LHFPL6: variants seen among roughly 807,000 people sequenced by gnomAD.
The protein encoded by LHFPL6 is LHFPL tetraspan subfamily member 6.
A neutral mutation model predicts 20.6 loss-of-function variants in LHFPL6; 9 were observed. The ratio of observed to expected loss-of-function variants is 0.44; its 90% CI spans 0.26 to 0.76. The LOEUF (loss-of-function observed/expected upper bound fraction) is 0.76, where lower values mean the gene tolerates loss of function less well. Ranked by LOEUF, LHFPL6 falls within the 30% of genes least tolerant of loss-of-function variation. The pLI is 0.20. For synonymous variants in LHFPL6, 105 were observed against 98.7 expected (o/e 1.06, Z -0.38); for missense variants, 218 against 253.5 (o/e 0.86, Z 0.95).
chr13:39,563,168 C>A (rs1279916564), intron 2 of LHFPL6, among the ~76,000 whole-genome samples: 1 of 146,684 alleles, frequency 6.8e-6, no homozygotes, highest in Non-Finnish European at 1.5e-5. Flanking sequence ...AGCAAAGCAA[C>A]AATGTTAAAA....
intron 2 of LHFPL6, among the ~76,000 whole-genome samples, chr13:39,468,730 A>T (rs1356834401): frequency 6.6e-6 from 1 of 152,156 alleles, no homozygotes; most frequent in Admixed American, 6.5e-5. Flanking sequence ...ACCACTTATG[A>T]CTTCTCTGCA....
intron 2 of LHFPL6, among the ~76,000 whole-genome samples, chr13:39,513,008 C>T (rs1042565277): frequency 1.2e-4 from 18 of 152,348 alleles, no homozygotes; most frequent in Admixed American, 1.0e-3. Context: ...TAGAGAAGAA[C>T]ATCCTCTCCA....
intron 2 of LHFPL6, among the ~76,000 whole-genome samples, chr13:39,537,992 C>CT (rs57732900): frequency 0.036 from 1,571 of 43,554 alleles, 30 homozygotes; most frequent in African/African-American, 0.086. Context: ...TTCTTTCTTT[C>CT]TTTTTTTTTT....
rs573612139 is a variant in LHFPL6 at position 39,563,943 on chromosome 13, T to C, written c.385+36889A>G. ...CCCCTAGGGCGGTTATGTGAGAGAATAGACACTTGTTGTATATCCCCCAAA... is the reference window on the plus strand; with the variant it reads ...CCCCTAGGGCGGTTATGTGAGAGAACAGACACTTGTTGTATATCCCCCAAA... On this transcript the variant is annotated intron_variant, in intron 2 of 3. Coordinates refer to ENST00000379589, the MANE Select transcript of LHFPL6 (RefSeq NM_005780.3). 3.9e-5 allele frequency among the ~76,000 whole-genome samples: 6 copies of C among 152,278 alleles called. 1 individual carries two copies. In the South Asian group the frequency reaches 1.0e-3, roughly 26 times the overall value.
intron 2 of LHFPL6, among the ~76,000 whole-genome samples, chr13:39,498,099 ATATGGCACATTTAACAT>A (rs374504755): frequency 9.2e-5 from 14 of 152,312 alleles, no homozygotes; most frequent in African/African-American, 3.1e-4. Flanking sequence ...CTTTATTACC[ATATGGCACATTTAACAT>A]TTTAGTATCT....
chr13:39,455,122 T>C (rs1380854546), intron 2 of LHFPL6, among the ~76,000 whole-genome samples: 1 of 152,090 alleles, frequency 6.6e-6, no homozygotes, highest in African/African-American at 2.4e-5. Context: ...ATCTCCAGAA[T>C]TGTGAGAAAT....
intron 2 of LHFPL6, among the ~76,000 whole-genome samples, chr13:39,417,189 G>A (rs1255864301): frequency 6.6e-6 from 1 of 152,116 alleles, no homozygotes; most frequent in Non-Finnish European, 1.5e-5. Context: ...TCTTGAAACA[G>A]GACAGGACTG....
chr13:39,542,568 C>T (rs1198182893), intron 2 of LHFPL6, among the ~76,000 whole-genome samples: 1 of 152,182 alleles, frequency 6.6e-6, no homozygotes, highest in African/African-American at 2.4e-5. Flanking sequence ...AGGCTCCAGC[C>T]CTGACTTTGT....
At chr13:39,451,790 A>C (rs1872449637) in intron 2 of LHFPL6, among the ~76,000 whole-genome samples, 1 of 152,288 alleles carries the variant, frequency 6.6e-6, no homozygotes, top group African/African-American at 2.4e-5. Flanking sequence ...ATCAAGTTAC[A>C]CCCTTTACTA....
Position 39,514,921 on chromosome 13 carries a change from C to T in LHFPL6, c.385+85911G>A, listed in dbSNP as rs555088586. 5.9e-5 allele frequency among the ~76,000 whole-genome samples: 9 copies of T among 152,328 alleles called. No individual in the cohort carries two copies. In the South Asian group the frequency reaches 1.7e-3, roughly 28 times the overall value. On this transcript the variant is annotated intron_variant, in intron 2 of 3. Coordinates refer to ENST00000379589, the MANE Select transcript of LHFPL6 (RefSeq NM_005780.3). Reference sequence around the variant, plus strand: ...CCACGTAATGCCACATATTGGAAAACAAGCTCCAAGAATGTGTAAGATGAA... The same window carrying T: ...CCACGTAATGCCACATATTGGAAAATAAGCTCCAAGAATGTGTAAGATGAA...
In LHFPL6 at chr13:39,414,514, G is replaced by A. The variant is rs371182189; in HGVS notation, c.386-35988C>T. Among the ~76,000 whole-genome samples, 205 of 152,202 alleles carry A rather than the reference G, an allele frequency of 1.3e-3. 7 individuals are homozygous for A. In the South Asian group the frequency reaches 0.039, roughly 29 times the overall value. On this transcript the variant is annotated intron_variant, in intron 2 of 3. Transcript: ENST00000379589. ...TGAGGGAGTCTTCATGGTGGATTTG[G>A]GCTGGAGTTGAGGTAGAGCAAGGGC... is the stretch of plus-strand genomic sequence containing the variant.
At chr13:39,538,210 G>A (rs560456852) in intron 2 of LHFPL6, among the ~76,000 whole-genome samples, 6 of 151,378 alleles carry the variant, frequency 4.0e-5, no homozygotes, top group South Asian at 2.1e-4. Flanking sequence ...GGCTGGTCTC[G>A]AACTCCTGAC....
At chr13:39,502,926 T>C (rs983926552) in intron 2 of LHFPL6, among the ~76,000 whole-genome samples, 1 of 152,224 alleles carries the variant, frequency 6.6e-6, no homozygotes, top group African/African-American at 2.4e-5. Context: ...AAGGTCTTGC[T>C]CTGTCACCCA....
intron 2 of LHFPL6, among the ~76,000 whole-genome samples, chr13:39,501,245 G>A (rs937701216): frequency 1.3e-5 from 2 of 152,060 alleles, no homozygotes; most frequent in Non-Finnish European, 2.9e-5. Flanking sequence ...CCCAGTCCAG[G>A]GTTCTTTGAA....
chr13:39,497,209 A>G (rs953988494), intron 2 of LHFPL6, among the ~76,000 whole-genome samples: 13 of 152,192 alleles, frequency 8.5e-5, no homozygotes, highest in African/African-American at 4.8e-5. Flanking sequence ...GTCAGGTTTT[A>G]TGGTAATGCT....
intron 2 of LHFPL6, among the ~76,000 whole-genome samples, chr13:39,581,350 C>T (rs1872275842): frequency 6.6e-6 from 1 of 152,092 alleles, no homozygotes; most frequent in African/African-American, 2.4e-5. Context: ...GGAAGAAGAG[C>T]TCACCGCTGT....
At chr13:39,435,497 T>C (rs1871934865) in intron 2 of LHFPL6, among the ~76,000 whole-genome samples, 1 of 152,210 alleles carries the variant, frequency 6.6e-6, no homozygotes, top group Non-Finnish European at 1.5e-5. Flanking sequence ...TGTTATAAAG[T>C]AAAATGTATC....
chr13:39,546,033 C>T (rs1434960173), intron 2 of LHFPL6, among the ~76,000 whole-genome samples: 1 of 152,052 alleles, frequency 6.6e-6, no homozygotes, highest in African/African-American at 2.4e-5. Context: ...GATGTGGAAC[C>T]TATGGATATG....
intron 2 of LHFPL6, among the ~76,000 whole-genome samples, chr13:39,498,272 T>A (rs992390797): frequency 1.3e-5 from 2 of 152,152 alleles, no homozygotes; most frequent in Non-Finnish European, 2.9e-5. Context: ...CAACTCAGAA[T>A]CAACTGAAAA....
Sources: allele counts gnomAD v4.1 joint callset (sites outside exome capture counted in the v4.1 genomes callset), GRCh38; gene constraint gnomAD v4.1.1; transcripts MANE v1.5; gene names NCBI Gene and HGNC (gene_info 2026-07-23, HGNC 2026-07-21).